GPATCH2L: variants seen among roughly 807,000 people sequenced by gnomAD.
The protein encoded by GPATCH2L is G-patch domain containing 2 like, also known as G patch domain-containing protein 2-like.
In GPATCH2L, 31 loss-of-function variants were observed where a neutral mutation model predicts 57.4. The ratio of observed to expected loss-of-function variants is 0.54; its 90% CI spans 0.41 to 0.73. GPATCH2L has a LOEUF of 0.73. GPATCH2L is among the 30% of genes least tolerant of loss of function. The pLI, the probability that GPATCH2L is intolerant of heterozygous loss-of-function variation, is 0.00. For missense variants in GPATCH2L, 481 were observed against 599.9 expected (o/e 0.80, Z 2.07); for synonymous variants, 199 against 210.7 (o/e 0.94, Z 0.48).
intron 2 of GPATCH2L, among the ~76,000 whole-genome samples, chr14:76,157,500 T>C (rs1000796730): frequency 3.3e-5 from 5 of 152,370 alleles, no homozygotes; most frequent in South Asian, 2.1e-4. Flanking sequence ...ATCTTCTTGG[T>C]TACCCTTTCA....
chr14:76,171,727 A>AG (rs2039093310), intron 3 of GPATCH2L, 116 bp from the exon 4 acceptor site: 4 of 682,964 alleles, frequency 5.9e-6, no homozygotes. Flanking sequence ...TGTCTCAAAA[A>AG]GGAAAAAAAA....
intron 9 of GPATCH2L, among the ~76,000 whole-genome samples, chr14:76,197,967 G>C (rs530018312): frequency 1.6e-4 from 24 of 152,260 alleles, no homozygotes; most frequent in African/African-American, 5.8e-4. Flanking sequence ...GTGGTAGAAA[G>C]TTTTGAGTTG....
chr14:76,230,167 C>T (rs552889768), intron 2 of GPATCH2L, among the ~76,000 whole-genome samples: 4 of 152,292 alleles, frequency 2.6e-5, no homozygotes, highest in African/African-American at 9.6e-5. Flanking sequence ...TAGCCTTGGG[C>T]CTGACACAGA....
chr14:76,229,311 A>C (rs1334223000), intron 1 of GPATCH2L, among the ~76,000 whole-genome samples: 1 of 152,194 alleles, frequency 6.6e-6, no homozygotes. Context: ...TTCATGATAG[A>C]ATAAGAAATT....
intron 1 of GPATCH2L, among the ~76,000 whole-genome samples, chr14:76,226,011 G>A (rs1162279660): frequency 2.0e-5 from 3 of 152,106 alleles, no homozygotes; most frequent in Non-Finnish European, 4.4e-5. Context: ...CTACTGTCAG[G>A]GAGTAAATTC....
chr14:76,157,107 C>T (rs745972701), intron 2 of GPATCH2L, among the ~76,000 whole-genome samples: 11 of 152,172 alleles, frequency 7.2e-5, no homozygotes, highest in Admixed American at 2.0e-4. Flanking sequence ...GAATAATGGG[C>T]GGAGTGGTGG....
chr14:76,160,275 G>A (rs890680208), intron 2 of GPATCH2L, among the ~76,000 whole-genome samples: 3 of 152,236 alleles, frequency 2.0e-5, no homozygotes, highest in African/African-American at 4.8e-5. Context: ...CAAGGTGACT[G>A]TAGAGAAAGG....
chr14:76,227,472 A>C (rs2040540962), intron 1 of GPATCH2L, among the ~76,000 whole-genome samples: 1 of 152,136 alleles, frequency 6.6e-6, no homozygotes, highest in South Asian at 2.1e-4. Flanking sequence ...ATGGGGTAGA[A>C]CCCAAAGTAT....
Position 76,154,428 on chromosome 14 carries a change from G to T in GPATCH2L, c.65G>T (p.Gly22Val), listed in dbSNP as rs1429761642. Residue 22 changes from glycine to valine, a missense_variant, in exon 2 of 10, where the codon GGT becomes GTT. Physicochemically the swap from Gly to Val is moderately radical, Grantham distance 109. Around this residue, in one of 3 missense-constraint regions of GPATCH2L, gnomAD observed 208 missense variants for 272.4 expected, o/e 0.76. Transcript: ENST00000261530. The surrounding 1 kb of genome is among the most constrained non-coding windows in gnomAD (Gnocchi z 4.4). Reference sequence around the variant, plus strand: ...CAGACATCTGAGCAGAATAAGCTTGGTGAACTGTGGGAGGAGATGGCGCTG... The same window carrying T: ...CAGACATCTGAGCAGAATAAGCTTGTTGAACTGTGGGAGGAGATGGCGCTG... ...LEQTSEQNKLGELWEEMALSP... is the reference protein window; with the variant it reads ...LEQTSEQNKLVELWEEMALSP... 1 of 1,614,036 alleles carries T rather than the reference G, an allele frequency of 6.2e-7. No individual in the cohort carries two copies. The highest frequency in any genetic ancestry group is 1.7e-5 in the Admixed American group (1 of 60,002).
At chr14:76,187,386 T>TA (rs1478288401) in intron 8 of GPATCH2L, among the ~76,000 whole-genome samples, 1 of 152,042 alleles carries the variant, frequency 6.6e-6, no homozygotes, top group East Asian at 1.9e-4. Flanking sequence ...CATAGTATGT[T>TA]ACATTGGGTA....
intron 2 of GPATCH2L, among the ~76,000 whole-genome samples, chr14:76,160,178 A>G (rs1799823461): frequency 1.3e-5 from 2 of 152,252 alleles, no homozygotes; most frequent in Admixed American, 1.3e-4. Context: ...ATGATGCTCA[A>G]TGGGAAGAGA....
chr14:76,223,439 T>TA (rs2040524034), intron 1 of GPATCH2L, among the ~76,000 whole-genome samples: 1 of 151,744 alleles, frequency 6.6e-6, no homozygotes, highest in South Asian at 2.1e-4. Context: ...ACTAAAAACA[T>TA]ATCAAAGACC....
intron 8 of GPATCH2L, among the ~76,000 whole-genome samples, chr14:76,186,343 C>T (rs187270926): frequency 3.3e-5 from 5 of 152,232 alleles, no homozygotes; most frequent in East Asian, 3.9e-4. Context: ...TGTTCACAAA[C>T]GTTATGATCT....
intron 3 of GPATCH2L, among the ~76,000 whole-genome samples, chr14:76,168,767 G>T (rs1328240742): frequency 2.0e-5 from 3 of 152,248 alleles, no homozygotes; most frequent in Non-Finnish European, 4.4e-5. Context: ...GGAAGGTACT[G>T]TGGAATCCAA....
rs955518140 is a variant in GPATCH2L at position 76,213,817 on chromosome 14, T to C, written c.*11966T>C. The C allele has an allele frequency of 4.6e-5, 7 of 152,212 alleles. No homozygotes were observed. The highest frequency in any genetic ancestry group is 1.2e-4 in the African/African-American group (5 of 41,460). 9.4% of individuals were successfully genotyped at this position (152,212 alleles called of 1,614,324 possible). A position where few individuals can be genotyped will look rare whatever the true frequency, so the allele number is the denominator to read the frequency against. On this transcript the variant is annotated 3_prime_UTR_variant, in exon 10 of 10. Coordinates refer to ENST00000261530, the MANE Select transcript of GPATCH2L (RefSeq NM_017926.4). The stretch of plus-strand genomic sequence containing the variant: ...GGTACAATTATTGAAACTAGGAAAT[T>C]AACATTGGCACAATCCTATTAACTA...
intron 9 of GPATCH2L, among the ~76,000 whole-genome samples, chr14:76,197,643 C>G (rs1280209957): frequency 6.6e-6 from 1 of 152,150 alleles, no homozygotes; most frequent in Non-Finnish European, 1.5e-5. Context: ...AACATCGGGC[C>G]ATCTCGGATT....
chr14:76,210,650 T>C lies in GPATCH2L; in HGVS notation c.*8799T>C, dbSNP rs1360055660. 6.6e-6 allele frequency: 1 copy of C among 152,218 alleles called. No homozygotes were observed. The highest frequency in any genetic ancestry group is 1.5e-5 in the Non-Finnish European group (1 of 68,032). The allele number at this position is 152,218 out of a possible 1,614,324, so 9.4% of individuals were successfully genotyped here. On this transcript the variant is annotated 3_prime_UTR_variant, in exon 10 of 10. Coordinates refer to ENST00000261530, the MANE Select transcript of GPATCH2L (RefSeq NM_017926.4). ...AAAAGTCAATGAAATTTTGCAGATCTTGCAAACCTGTGGCAATAAGAAGGT... is the reference window on the plus strand; with the variant it reads ...AAAAGTCAATGAAATTTTGCAGATCCTGCAAACCTGTGGCAATAAGAAGGT...
rs147814698 is a variant in GPATCH2L at position 76,211,266 on chromosome 14, A to G, written c.*9415A>G. The G allele has an allele frequency of 2.6e-5, 4 of 152,316 alleles. No homozygotes were observed. The highest frequency in any genetic ancestry group is 1.3e-4 in the Admixed American group (2 of 15,288). The allele number at this position is 152,316 out of a possible 1,614,324, so 9.4% of individuals were successfully genotyped here. On this transcript the variant is annotated 3_prime_UTR_variant, in exon 10 of 10. Transcript: ENST00000261530. ...ACTGGCTTACTTGTTGAGTTGGAGA[A>G]CTATTGCCGTATTCCTCTGCTAAGC...
intron 2 of GPATCH2L, among the ~76,000 whole-genome samples, chr14:76,231,292 T>C (rs12891471): frequency 0.33 from 49,464 of 152,052 alleles, 8,896 homozygotes; most frequent in Non-Finnish European, 0.41. Flanking sequence ...GCCCCTGTTA[T>C]AGACTCACAT....
Sources: gnomAD v4.1 joint callset for allele counts (sites outside exome capture counted in the v4.1 genomes callset) on GRCh38, gnomAD v4.1.1 for gene constraint, gnomAD v4.1.1 regional missense constraint, Gnocchi (gnomAD v3.1) non-coding constraint, MANE v1.5 for transcripts, NCBI Gene and HGNC (gene_info 2026-07-23, HGNC 2026-07-21) for gene names.